Variants in PPHLN1 observed in about 807,000 individuals in gnomAD.
PPHLN1 encodes the protein periphilin 1, also known as periphilin-1.
PPHLN1 carries 29 observed loss-of-function variants against 51.3 expected under a neutral mutation model. That is an observed-to-expected ratio of 0.57 (90% CI 0.42 to 0.77). PPHLN1 has a LOEUF of 0.77. Ranked by LOEUF, PPHLN1 falls within the 30% of genes least tolerant of loss-of-function variation. PPHLN1 has a pLI of 0.00. For missense variants in PPHLN1, 436 were observed against 438.4 expected (o/e 0.99, Z 0.05); for synonymous variants, 147 against 147.8 (o/e 0.99, Z 0.04).
chr12:42,400,135 A>C (rs2078656682), intron 9 of PPHLN1: 1 of 151,924 alleles, frequency 6.6e-6, no homozygotes, highest in Admixed American at 6.6e-5. Context: ...TTACTGCTAC[A>C]TCTGCCATCA....
At chr12:42,332,538 T>C (rs2069914866) in intron 1 of PPHLN1, 1 of 624,578 alleles carries the variant, frequency 1.6e-6, no homozygotes, top group Non-Finnish European at 2.8e-6. Context: ...TTCAAGAGTG[T>C]GTTTGAAGCG....
At chr12:42,390,019 T>G (rs532005033) in intron 7 of PPHLN1, among the ~76,000 whole-genome samples, 1 of 151,704 alleles carries the variant, frequency 6.6e-6, no homozygotes, top group East Asian at 1.9e-4. Flanking sequence ...TCTCTCCAGT[T>G]AGAAGTTCTC....
intron 7 of PPHLN1, 129 bp from the exon 8 acceptor site, chr12:42,393,441 G>A: frequency 1.2e-6 from 1 of 857,720 alleles, no homozygotes; most frequent in Non-Finnish European, 1.7e-6. Flanking sequence ...AGGAAATAAA[G>A]AATGTACCTG....
At chr12:42,446,231 T>C (rs2083315104), downstream of PPHLN1, 1 of 1,612,266 alleles carries the variant, frequency 6.2e-7, no homozygotes, top group African/African-American at 1.3e-5. Flanking sequence ...ACAGACACCA[T>C]TCACTCCAGA....
chr12:42,382,386 T>C (rs1479331065), intron 5 of PPHLN1, among the ~76,000 whole-genome samples: 1 of 152,226 alleles, frequency 6.6e-6, no homozygotes, highest in African/African-American at 2.4e-5. Context: ...TACTGCCACT[T>C]TCAGAATTTT....
chr12:42,354,265 C>T (rs1293427604), intron 3 of PPHLN1, among the ~76,000 whole-genome samples: 1 of 152,148 alleles, frequency 6.6e-6, no homozygotes, highest in Non-Finnish European at 1.5e-5. Flanking sequence ...GTTGCCCAGG[C>T]TGGAGTGCAG....
At chr12:42,366,679 G>T (rs907289398) in intron 4 of PPHLN1, among the ~76,000 whole-genome samples, 1 of 151,960 alleles carries the variant, frequency 6.6e-6, no homozygotes, top group African/African-American at 2.4e-5. Context: ...CTGAGCCACC[G>T]TGCCCCAGTG....
chr12:42,379,259 C>T (rs1044613040), intron 5 of PPHLN1, among the ~76,000 whole-genome samples: 56 of 151,836 alleles, frequency 3.7e-4, no homozygotes, highest in Non-Finnish European at 1.2e-4. Context: ...GTTAGTATTT[C>T]TTTTGATAAA....
At chr12:42,361,840 T>G (rs2074724321) in intron 4 of PPHLN1, 1 of 152,210 alleles carries the variant, frequency 6.6e-6, no homozygotes, top group Admixed American at 6.5e-5. Context: ...CAGTGAACAT[T>G]GGCCTACGAA....
intron 8 of PPHLN1, 120 bp from the exon 9 acceptor site, chr12:42,398,734 T>G (rs962968144): frequency 2.4e-6 from 2 of 833,260 alleles, no homozygotes; most frequent in Admixed American, 3.1e-5. Context: ...AGTTTTCTTT[T>G]CTTAAAACAT....
At chr12:42,439,978 A>G (rs952061296) in intron 9 of PPHLN1, among the ~76,000 whole-genome samples, 1 of 151,972 alleles carries the variant, frequency 6.6e-6, no homozygotes, top group Admixed American at 6.6e-5. Flanking sequence ...CATTGAGACT[A>G]TATTGAAATT....
At chr12:42,433,148 T>G (rs1459966127) in intron 9 of PPHLN1, 2 of 772,894 alleles carry the variant, frequency 2.6e-6, no homozygotes, top group African/African-American at 3.4e-5. Context: ...AAGCAGTATA[T>G]TCAATGACAT....
intron 8 of PPHLN1, among the ~76,000 whole-genome samples, chr12:42,397,525 C>G (rs922045812): frequency 6.6e-6 from 1 of 151,730 alleles, no homozygotes; most frequent in African/African-American, 2.4e-5. Context: ...ACTTTCTTTG[C>G]TCACCAGTTT....
chr12:42,442,936 C>T (rs1042489218), downstream of PPHLN1: 8 of 849,674 alleles, frequency 9.4e-6, no homozygotes, highest in African/African-American at 1.4e-4. Flanking sequence ...TCCCATAACC[C>T]ATGGTCCCCA....
At chr12:42,352,680 AC>A (rs1321380516) in intron 3 of PPHLN1, among the ~76,000 whole-genome samples, 1 of 151,354 alleles carries the variant, frequency 6.6e-6, no homozygotes, top group African/African-American at 2.4e-5. Flanking sequence ...TGGGAGGCCC[AC>A]CTTGGCCTCC....
chr12:42,362,955 G>A (rs1295984954), intron 4 of PPHLN1, among the ~76,000 whole-genome samples: 2 of 152,308 alleles, frequency 1.3e-5, no homozygotes, highest in South Asian at 2.1e-4. Flanking sequence ...ATTGCTTGGT[G>A]TAAAAATGGT....
downstream of PPHLN1, chr12:42,444,810 A>G (rs2083209843): frequency 2.0e-6 from 1 of 511,954 alleles, no homozygotes; most frequent in Admixed American, 3.6e-5. Flanking sequence ...TTCTGTAGTT[A>G]TTCCTACAAA....
intron 2 of PPHLN1, among the ~76,000 whole-genome samples, chr12:42,338,322 G>A (rs960017476): frequency 6.6e-6 from 1 of 152,192 alleles, no homozygotes; most frequent in Non-Finnish European, 1.5e-5. Context: ...AGGATTGTGT[G>A]CTTTATTACT....
chr12:42,339,570 CT>C (rs879560530), intron 2 of PPHLN1, among the ~76,000 whole-genome samples: 20 of 152,246 alleles, frequency 1.3e-4, no homozygotes, highest in Admixed American at 1.3e-3. Context: ...CTGGTGAAGC[CT>C]ATGGATCCCT....
Sources: gnomAD v4.1 joint callset for allele counts (sites outside exome capture counted in the v4.1 genomes callset) on GRCh38, gnomAD v4.1.1 for gene constraint, MANE v1.5 for transcripts, NCBI Gene and HGNC (gene_info 2026-07-23, HGNC 2026-07-21) for gene names.